The following PFKFB2 variants were observed in gnomAD, a reference collection of about 807,000 sequenced individuals.
PFKFB2 encodes the protein 6-phosphofructo-2-kinase/fructose-2,6-bisphosphatase 2.
A neutral mutation model predicts 68.0 loss-of-function variants in PFKFB2; 53 were observed. That is an observed-to-expected ratio of 0.78 (90% confidence interval 0.63 to 0.98). The LOEUF (loss-of-function observed/expected upper bound fraction) is 0.98, where lower values mean the gene tolerates loss of function less well. Ranked by LOEUF, PFKFB2 falls within the 50% of genes least tolerant of loss-of-function variation. PFKFB2 has a pLI of 0.00. For missense variants in PFKFB2, 451 were observed against 642.0 expected (o/e 0.70, Z 3.22); for synonymous variants, 222 against 227.6 (o/e 0.98, Z 0.22).
rs1682353378 is a variant in PFKFB2, at chr1:207,035,238, G to T, written c.-62+766G>T. ...CTTTGACTGTCAGAGGCTAGTTTAT[G>T]ATTTCCTTTCTCAGTACAACCTCCC... On this transcript the variant is annotated intron_variant, in intron 1 of 5. Transcript: ENST00000545806. The T allele has an allele frequency of 4.1e-6, 4 of 983,996 alleles. No individual in the cohort carries two copies. The Admixed American group carries it at 2.5e-4, about 60-fold the overall frequency. 61.0% of individuals were successfully genotyped at this position (983,996 alleles called of 1,614,324 possible).
At chr1:207,049,005 T>A (rs1343937932), upstream of PFKFB2, 3 of 1,606,782 alleles carry the variant, frequency 1.9e-6, no homozygotes, top group Admixed American at 1.7e-5. Context: ...GCTTCAACCC[T>A]CATTCATGCA....
In PFKFB2 at chr1:207,067,704, CA is replaced by C; in HGVS notation, c.839del (p.Gln280ArgfsTer6). On this transcript the variant is annotated frameshift_variant and splice_region_variant, in exon 9 of 15. Coordinates refer to ENST00000367080, the MANE Select transcript of PFKFB2 (RefSeq NM_006212.2). LOFTEE classifies it high-confidence loss of function. ...GDSGLSVRGK[Q>X]FAQALRKFLE... ...CTCTGGCCTCTCGGTGCGGGGAAAG[CA>C]GGTGAGTAATTATTCAGCACACTGG... 1.9e-6 allele frequency: 3 copies of C among 1,610,838 alleles called. No individual in the cohort carries two copies. The highest frequency in any genetic ancestry group is 2.5e-6 in the Non-Finnish European group (3 of 1,177,376).
chr1:207,075,165 T>A lies in PFKFB2; in HGVS notation c.*2794T>A. 1.0e-6 allele frequency: 1 copy of A among 985,482 alleles called. No homozygotes were observed. The highest frequency in any genetic ancestry group is 1.2e-6 in the Non-Finnish European group (1 of 829,952). The allele number at this position is 985,482 out of a possible 1,614,324, so 61.0% of individuals were successfully genotyped here. On this transcript the variant is annotated 3_prime_UTR_variant, in exon 15 of 15. Coordinates refer to ENST00000367080, the MANE Select transcript of PFKFB2 (RefSeq NM_006212.2). The stretch of plus-strand genomic sequence containing the variant: ...ACTTCTCTAACAAGCTAGCATTGTG[T>A]TAACCTGTCATTAACCCAGCATTAG...
chr1:207,057,328 A>AAAAAAAAAAAAAC (rs1682956092), intron 2 of PFKFB2, among the ~76,000 whole-genome samples: 1 of 141,686 alleles, frequency 7.1e-6, no homozygotes, highest in Non-Finnish European at 1.5e-5. Context: ...AAAAAAAAAA[A>AAAAAAAAAAAAAC]CTAGCCGGGC....
chr1:207,059,164 A>G (rs958347743), intron 2 of PFKFB2, among the ~76,000 whole-genome samples: 2 of 152,166 alleles, frequency 1.3e-5, no homozygotes, highest in African/African-American at 4.8e-5. Flanking sequence ...CAGTGGATGC[A>G]GTTTTTTGTT....
chr1:207,076,252 CTTTTTTT>C lies in PFKFB2; in HGVS notation c.*3891_*3897del, dbSNP rs568062478. 1 of 870,300 alleles carries C rather than the reference CTTTTTTT, an allele frequency of 1.1e-6. No homozygotes were observed. Among genetic ancestry groups the C allele is most frequent in the Middle Eastern group, 5.9e-4 (1 of 1,682 alleles). The allele number at this position is 870,300 out of a possible 1,614,324, so 53.9% of individuals were successfully genotyped here. ...AATTCATCTATGTTACTTTTTTTTT[CTTTTTTT>C]TTTTTTTTTATGAGCAGGAGATCTT... is the stretch of plus-strand genomic sequence containing the variant. On this transcript the variant is annotated 3_prime_UTR_variant, in exon 15 of 15. Transcript: ENST00000367080.
At position 207,062,699 on chromosome 1, in the gene PFKFB2, G is replaced by A; in HGVS notation, c.291G>A (p.Glu97=). 6.2e-7 allele frequency: 1 copy of A among 1,614,026 alleles called. No homozygotes were observed. ...SYDFFRHDNE[E]AMKIRKQCAL... is the part of the protein sequence containing the mutation. ...ACTTCTTTCGGCATGACAATGAGGA[G>A]GCCATGAAGATCCGCAAGTGAGTCT... is the stretch of plus-strand genomic sequence containing the variant. Residue 97 remains glutamate, a synonymous_variant, in exon 4 of 15, where the codon GAG becomes GAA. Transcript: ENST00000367080.
chr1:207,043,575 C>T (rs1466559120), intron 2 of PFKFB2, among the ~76,000 whole-genome samples: 1 of 152,124 alleles, frequency 6.6e-6, no homozygotes, highest in East Asian at 1.9e-4. Flanking sequence ...TTAAGCCTTT[C>T]CACACTGACA....
chr1:207,050,906 C>T, upstream of PFKFB2: 1 of 1,605,144 alleles, frequency 6.2e-7, no homozygotes, highest in Non-Finnish European at 8.5e-7. Context: ...CGTGTCGGTC[C>T]GGCTGCCCAC....
At chr1:207,068,843 G>T (rs2102275210) in intron 10 of PFKFB2, among the ~76,000 whole-genome samples, 1 of 151,924 alleles carries the variant, frequency 6.6e-6, no homozygotes. Context: ...TGCCTCCTGG[G>T]TTCAAGCAAT....
Position 207,073,094 on chromosome 1 carries a change from GCAAGTAGA to G in PFKFB2, c.*726_*733del. The G allele has an allele frequency of 1.0e-6, 1 of 985,498 alleles. No homozygotes were observed. The highest frequency in any genetic ancestry group is 1.2e-6 in the Non-Finnish European group (1 of 829,964). The allele number at this position is 985,498 out of a possible 1,614,324, so 61.0% of individuals were successfully genotyped here. ...ACATCCACAGAATATTCTGGAGCTT[GCAAGTAGA>G]CATAGGGTGAGAGTTCTTGCCTCCT... On this transcript the variant is annotated 3_prime_UTR_variant, in exon 15 of 15. Coordinates refer to ENST00000367080, the MANE Select transcript of PFKFB2 (RefSeq NM_006212.2).
At chr1:207,055,187 GTTTTGGGAGAGTGCTGCTCA>G (rs1682882554) in intron 2 of PFKFB2, among the ~76,000 whole-genome samples, 1 of 152,324 alleles carries the variant, frequency 6.6e-6, no homozygotes, top group African/African-American at 2.4e-5. Flanking sequence ...GTTGGGCTAA[GTTTTGGGAGAGTGCTGCTCA>G]TTGTAGAAAT....
chr1:207,057,741 T>C (rs967876275), intron 2 of PFKFB2, among the ~76,000 whole-genome samples: 3 of 152,238 alleles, frequency 2.0e-5, no homozygotes, highest in East Asian at 1.9e-4. Context: ...GTTCATATTG[T>C]TCATATTCTG....
chr1:207,072,178 T>C (rs960852121), intron 14 of PFKFB2, 26 bp from the exon 15 acceptor site: 5 of 1,609,648 alleles, frequency 3.1e-6, no homozygotes, highest in Admixed American at 3.4e-5. Flanking sequence ...CTTTCATTTG[T>C]GTGGTGTCAC....
chr1:207,065,145 C>T lies in PFKFB2; in HGVS notation c.617C>T (p.Pro206Leu). ...AAAGTTACCTACCGACCTCTTGACC[C>T]AGACAACTATGACAAGTAAGGTTTA... is the stretch of plus-strand genomic sequence containing the variant. ...CYKVTYRPLD[P>L]DNYDKDLSFI... is the part of the protein sequence containing the mutation. Residue 206 changes from proline to leucine, a missense_variant, in exon 8 of 15, where the codon CCA becomes CTA. By Grantham distance (98) the Pro-to-Leu change is moderately conservative. Transcript: ENST00000367080. The T allele has an allele frequency of 6.2e-7, 1 of 1,613,814 alleles. No individual in the cohort carries two copies. Among genetic ancestry groups the T allele is most frequent in the African/African-American group, 1.3e-5 (1 of 75,006 alleles).
intron 8 of PFKFB2, among the ~76,000 whole-genome samples, chr1:207,066,207 G>A (rs947691624): frequency 2.0e-5 from 3 of 152,168 alleles, no homozygotes; most frequent in African/African-American, 4.8e-5. Context: ...CTTGTCATGT[G>A]TGAGGTATAT....
chr1:207,072,072 C>G (rs1683480553), intron 14 of PFKFB2, 132 bp from the exon 15 acceptor site: 1 of 1,475,380 alleles, frequency 6.8e-7, no homozygotes, highest in Admixed American at 2.3e-5. Context: ...TGGGCCATGC[C>G]CTGTGAGGGA....
At position 207,072,222 on chromosome 1, in the gene PFKFB2, C is replaced by A. The variant is rs1370680907; in HGVS notation, c.1369C>A (p.Gln457Lys). 1 of 1,613,638 alleles carries A rather than the reference C, an allele frequency of 6.2e-7. No homozygotes were observed. The highest frequency in any genetic ancestry group is 1.3e-5 in the African/African-American group (1 of 74,896). The change falls in exon 15 of 15, where the codon CAA becomes AAA. Residue 457 changes from glutamine to lysine, a missense_variant. Coordinates refer to ENST00000367080, the MANE Select transcript of PFKFB2 (RefSeq NM_006212.2). ...DKPTNNFPKN[Q>K]TPVRMRRNSF... ...CAATCAGAACAACTTCCCCAAGAAC[C>A]AAACCCCTGTAAGGATGAGAAGGAA...
In PFKFB2 at chr1:207,075,608, A is replaced by T. The variant is rs541939636; in HGVS notation, c.*3237A>T. On this transcript the variant is annotated 3_prime_UTR_variant, in exon 15 of 15. Coordinates refer to ENST00000367080, the MANE Select transcript of PFKFB2 (RefSeq NM_006212.2). ...CTGTAAGTTTTGTTTTGTGAGAAAT[A>T]GGTAAAGACATTAGCATTTAATCTA... 1.0e-6 allele frequency: 1 copy of T among 985,352 alleles called. No homozygotes were observed. The highest frequency in any genetic ancestry group is 4.7e-5 in the South Asian group (1 of 21,288). The allele number at this position is 985,352 out of a possible 1,614,324, so 61.0% of individuals were successfully genotyped here. A position where few individuals can be genotyped will look rare whatever the true frequency, so the allele number is the denominator to read the frequency against.
Sources: gnomAD v4.1 joint callset for allele counts (sites outside exome capture counted in the v4.1 genomes callset) on GRCh38, gnomAD v4.1.1 for gene constraint, MANE v1.5 for transcripts, NCBI Gene and HGNC (gene_info 2026-07-23, HGNC 2026-07-21) for gene names.